Variants in SLC4A10 observed in about 807,000 individuals in gnomAD.
SLC4A10 encodes the protein sodium-driven chloride bicarbonate exchanger.
In SLC4A10, 42 loss-of-function variants were observed where a neutral mutation model predicts 137.7. The observed-to-expected ratio is 0.30, with a 90% CI of 0.24 to 0.39. The LOEUF (loss-of-function observed/expected upper bound fraction) is 0.39, where lower values mean the gene tolerates loss of function less well. SLC4A10 is among the 10% of genes least tolerant of loss of function. The probability of loss-of-function intolerance (pLI) is 1.00; values close to 1 mark genes in which losing one functional copy is unlikely to be tolerated. For synonymous variants in SLC4A10, 474 were observed against 464.1 expected (o/e 1.02, Z -0.27); for missense variants, 925 against 1,355.0 (o/e 0.68, Z 4.98).
chr2:161,872,011 G>A (rs570313356), intron 6 of SLC4A10, among the ~76,000 whole-genome samples: 2 of 151,968 alleles, frequency 1.3e-5, no homozygotes, highest in Non-Finnish European at 2.9e-5. Context: ...CAAAATCCTG[G>A]TAACATTTAC....
chr2:161,688,926 C>T (rs1010578033), intron 1 of SLC4A10, among the ~76,000 whole-genome samples: 1 of 151,916 alleles, frequency 6.6e-6, no homozygotes, highest in Non-Finnish European at 1.5e-5. Context: ...GTGATCCTGA[C>T]CCTGTGTTGG....
intron 16 of SLC4A10, among the ~76,000 whole-genome samples, chr2:161,944,349 T>C (rs1157498597): frequency 6.6e-6 from 1 of 151,886 alleles, no homozygotes. Context: ...ATCCCATCTC[T>C]AAGTTATATA....
chr2:161,763,853 G>A (rs999600807), intron 1 of SLC4A10, among the ~76,000 whole-genome samples: 6 of 152,054 alleles, frequency 3.9e-5, no homozygotes, highest in Admixed American at 2.6e-4. Context: ...TCATACTGTC[G>A]TAATAGCTAA....
At chr2:161,715,526 G>A (rs1201424453) in intron 1 of SLC4A10, among the ~76,000 whole-genome samples, 1 of 152,048 alleles carries the variant, frequency 6.6e-6, no homozygotes, top group African/African-American at 2.4e-5. Context: ...AGACCCCAGT[G>A]TGTGTTTTTC....
chr2:161,674,708 G>C lies in SLC4A10; in HGVS notation c.48+50142G>C, dbSNP rs577257214. 2.6e-5 allele frequency among the ~76,000 whole-genome samples: 4 copies of C among 152,298 alleles called. No individual in the cohort carries two copies. In the East Asian group the frequency reaches 7.7e-4, roughly 29 times the overall value. On this transcript the variant is annotated intron_variant, in intron 1 of 26. Coordinates refer to ENST00000446997, the MANE Select transcript of SLC4A10 (RefSeq NM_001178015.2). ...ATATATACCCTGATTTGGGAGGAAAGTCATCTTCATCCCTACCTTTTACAA... is the reference window on the plus strand; with the variant it reads ...ATATATACCCTGATTTGGGAGGAAACTCATCTTCATCCCTACCTTTTACAA...
chr2:161,712,739 A>G (rs1481989435), intron 1 of SLC4A10, among the ~76,000 whole-genome samples: 1 of 151,898 alleles, frequency 6.6e-6, no homozygotes, highest in African/African-American at 2.4e-5. Context: ...TATTTGGATT[A>G]AATTTACATG....
intron 6 of SLC4A10, among the ~76,000 whole-genome samples, chr2:161,868,535 C>T (rs987985617): frequency 6.6e-6 from 1 of 151,404 alleles, no homozygotes; most frequent in Non-Finnish European, 1.5e-5. Flanking sequence ...CACATATGAT[C>T]CCTACATGAA....
Position 161,976,847 on chromosome 2 carries a change from A to G in SLC4A10, c.3315A>G (p.Lys1105=). 6.3e-7 allele frequency: 1 copy of G among 1,598,904 alleles called. No individual in the cohort carries two copies. The highest frequency in any genetic ancestry group is 8.5e-7 in the Non-Finnish European group (1 of 1,172,304). ...RNLLITADNS[K]DKESSFPSKS... Reference sequence around the variant, plus strand: ...TTCTGATTACTGCCGATAACTCAAAAGATAAGGAGTCAAGCTTTCCTTCCA... The same window carrying G: ...TTCTGATTACTGCCGATAACTCAAAGGATAAGGAGTCAAGCTTTCCTTCCA... The change falls in exon 25 of 27, where the codon AAA becomes AAG. Residue 1105 remains lysine (K), a synonymous_variant. Coordinates refer to ENST00000446997, the MANE Select transcript of SLC4A10 (RefSeq NM_001178015.2).
intron 3 of SLC4A10, among the ~76,000 whole-genome samples, chr2:161,817,820 T>A (rs1357373363): frequency 1.3e-5 from 2 of 152,028 alleles, no homozygotes; most frequent in African/African-American, 2.4e-5. Context: ...GAGGGCTCTG[T>A]TCTGTTCCAT....
At chr2:161,904,638 C>T (rs930794267) in intron 13 of SLC4A10, 138 bp from the exon 14 acceptor site, 8 of 958,734 alleles carry the variant, frequency 8.3e-6, no homozygotes, top group African/African-American at 1.6e-5. Context: ...ATCCTTCTAC[C>T]CCACGTCTTG....
intron 4 of SLC4A10, among the ~76,000 whole-genome samples, chr2:161,846,120 T>G (rs1158999553): frequency 1.3e-5 from 2 of 151,952 alleles, no homozygotes; most frequent in Admixed American, 1.3e-4. Flanking sequence ...ACTCTCAAAG[T>G]TCAACAGTAT....
chr2:161,804,051 G>C (rs2055658100), intron 2 of SLC4A10, among the ~76,000 whole-genome samples: 1 of 152,194 alleles, frequency 6.6e-6, no homozygotes, highest in Non-Finnish European at 1.5e-5. Context: ...TGTTTTATTA[G>C]AGACAGTGAT....
At chr2:161,947,768 G>C in intron 17 of SLC4A10, 41 bp downstream of exon 17, 4 of 1,580,246 alleles carry the variant, frequency 2.5e-6, no homozygotes, top group Non-Finnish European at 3.4e-6. Context: ...AAATAACATA[G>C]GACAAAAGAA....
chr2:161,901,139 G>A, intron 12 of SLC4A10, 128 bp downstream of exon 12: 1 of 714,560 alleles, frequency 1.4e-6, no homozygotes, highest in Non-Finnish European at 2.5e-6. Flanking sequence ...GGGTGAAAAT[G>A]CCAATTAGTT....
At chr2:161,766,918 A>G (rs558803408) in intron 1 of SLC4A10, among the ~76,000 whole-genome samples, 1 of 151,214 alleles carries the variant, frequency 6.6e-6, no homozygotes, top group Non-Finnish European at 1.5e-5. Flanking sequence ...TGTCAGAAAG[A>G]TATAAGACCA....
chr2:161,627,496 G>A (rs1203361757), intron 1 of SLC4A10, among the ~76,000 whole-genome samples: 4 of 152,106 alleles, frequency 2.6e-5, no homozygotes, highest in African/African-American at 9.7e-5. Context: ...ATGAGTGAAT[G>A]TATTAATCCT....
intron 11 of SLC4A10, among the ~76,000 whole-genome samples, chr2:161,896,907 A>G (rs1276684249): frequency 6.6e-6 from 1 of 152,110 alleles, no homozygotes; most frequent in Non-Finnish European, 1.5e-5. Context: ...AAATTTTAAT[A>G]ACAACATTAA....
At chr2:161,767,814 G>A (rs62189053) in intron 1 of SLC4A10, among the ~76,000 whole-genome samples, 12,345 of 151,882 alleles carry the variant, frequency 0.081, 640 homozygotes, top group East Asian at 0.14. Flanking sequence ...AGATGATATC[G>A]CCTCTCAGTT....
intron 6 of SLC4A10, among the ~76,000 whole-genome samples, chr2:161,865,584 T>G (rs1353145529): frequency 1.3e-5 from 2 of 152,060 alleles, no homozygotes; most frequent in Non-Finnish European, 1.5e-5. Flanking sequence ...TTATAACACC[T>G]CCTTATGACT....
Sources: allele counts gnomAD v4.1 joint callset (sites outside exome capture counted in the v4.1 genomes callset), GRCh38; gene constraint gnomAD v4.1.1; transcripts MANE v1.5; gene names NCBI Gene and HGNC (gene_info 2026-07-23, HGNC 2026-07-21).